The following SND1 variants were observed in gnomAD, a reference collection of about 807,000 sequenced individuals.
SND1 encodes the protein staphylococcal nuclease domain-containing protein 1.
SND1 carries 38 observed loss-of-function variants against 121.7 expected under a neutral mutation model. That is an observed-to-expected ratio of 0.31 (90% confidence interval 0.24 to 0.41). SND1 has a LOEUF of 0.41. Ranked by LOEUF, SND1 falls within the 10% of genes least tolerant of loss-of-function variation. The pLI is 1.00. For missense variants in SND1, 868 were observed against 1,184.6 expected (o/e 0.73, Z 3.92); for synonymous variants, 401 against 447.4 (o/e 0.90, Z 1.31).
chr7:127,752,066 C>T (rs1418257496), intron 10 of SND1, among the ~76,000 whole-genome samples: 1 of 152,230 alleles, frequency 6.6e-6, no homozygotes, highest in East Asian at 1.9e-4. Context: ...GCTAAGCCAG[C>T]CATGTTGTTA....
At chr7:128,018,996 G>GA (rs995519725) in intron 16 of SND1, among the ~76,000 whole-genome samples, 5 of 152,108 alleles carry the variant, frequency 3.3e-5, no homozygotes, top group Admixed American at 3.3e-4. Flanking sequence ...TACTTCCCAT[G>GA]AACTTATTAC....
chr7:127,901,227 C>T (rs1476103604), intron 13 of SND1, among the ~76,000 whole-genome samples: 3 of 152,110 alleles, frequency 2.0e-5, no homozygotes, highest in African/African-American at 7.2e-5. Context: ...GGCAGTACAC[C>T]TTGTTTTCAG....
At chr7:127,820,051 T>A (rs1441565904) in intron 11 of SND1, among the ~76,000 whole-genome samples, 1 of 152,228 alleles carries the variant, frequency 6.6e-6, no homozygotes, top group Non-Finnish European at 1.5e-5. Flanking sequence ...GCTAGGAGAT[T>A]GAATTCATTC....
At chr7:127,718,489 G>A (rs552282890) in intron 9 of SND1, 1 of 761,926 alleles carries the variant, frequency 1.3e-6, no homozygotes, top group Admixed American at 6.2e-5. Context: ...CACACACGCG[G>A]ACACGCACGC....
intron 1 of SND1, among the ~76,000 whole-genome samples, chr7:127,660,218 A>G (rs186119401): frequency 1.2e-4 from 18 of 152,170 alleles, no homozygotes; most frequent in Admixed American, 1.1e-3. Flanking sequence ...GACCCAGAGG[A>G]ACATGGTTCT....
chr7:127,833,461 C>T (rs1286068806), intron 11 of SND1, among the ~76,000 whole-genome samples: 3 of 151,856 alleles, frequency 2.0e-5, no homozygotes, highest in African/African-American at 4.8e-5. Flanking sequence ...GACTGGGTTT[C>T]GCCATGTTGG....
chr7:128,078,400 A>G (rs540174124), intron 17 of SND1, among the ~76,000 whole-genome samples: 105 of 152,236 alleles, frequency 6.9e-4, no homozygotes, highest in Non-Finnish European at 1.4e-3. Context: ...TACCCTCTGT[A>G]TGCTTCTTGG....
chr7:127,720,650 T>C (rs1263272860), intron 9 of SND1, among the ~76,000 whole-genome samples: 1 of 152,218 alleles, frequency 6.6e-6, no homozygotes, highest in African/African-American at 2.4e-5. Flanking sequence ...GTTACTGATC[T>C]TGGGTTCCAA....
chr7:127,710,339 C>G (rs1202250010), intron 9 of SND1, among the ~76,000 whole-genome samples: 1 of 151,652 alleles, frequency 6.6e-6, no homozygotes, highest in Non-Finnish European at 1.5e-5. Flanking sequence ...GTTTGATGAT[C>G]TCTGATCTAT....
At chr7:127,971,761 T>C (rs1310196466) in intron 15 of SND1, among the ~76,000 whole-genome samples, 1 of 151,952 alleles carries the variant, frequency 6.6e-6, no homozygotes, top group Non-Finnish European at 1.5e-5. Context: ...GTATACAGCT[T>C]GCTGAATTAA....
chr7:128,091,759 T>C, intron 22 of SND1, 78 bp from the exon 23 acceptor site: 1 of 1,486,184 alleles, frequency 6.7e-7, no homozygotes, highest in Non-Finnish European at 9.4e-7. Flanking sequence ...GGCGCTTACC[T>C]AAGCATTCTG....
chr7:127,910,436 C>T (rs1800431049), intron 14 of SND1, among the ~76,000 whole-genome samples: 1 of 151,716 alleles, frequency 6.6e-6, no homozygotes, highest in Non-Finnish European at 1.5e-5. Flanking sequence ...CAGAGTGAGA[C>T]TCCATCTCAA....
intron 14 of SND1, among the ~76,000 whole-genome samples, chr7:127,907,529 A>G (rs549093068): frequency 6.6e-6 from 1 of 152,316 alleles, no homozygotes; most frequent in East Asian, 1.9e-4. Context: ...GTTGCAGGCC[A>G]TGATAAATGG....
chr7:127,734,860 A>G (rs558469434), intron 10 of SND1, among the ~76,000 whole-genome samples: 1 of 152,354 alleles, frequency 6.6e-6, no homozygotes, highest in African/African-American at 2.4e-5. Context: ...TATGCTAAAT[A>G]AATGCACAGA....
chr7:127,761,212 G>A (rs1797299658), intron 10 of SND1, among the ~76,000 whole-genome samples: 1 of 152,202 alleles, frequency 6.6e-6, no homozygotes, highest in African/African-American at 2.4e-5. Context: ...CTTCAGCTAA[G>A]TTAATCTTCC....
At position 127,686,383 on chromosome 7, in the gene SND1, A is replaced by G. The variant is rs193038048; in HGVS notation, c.79-230A>G. Among the ~76,000 whole-genome samples, 96 of 152,216 alleles carry G rather than the reference A, an allele frequency of 6.3e-4. No individual in the cohort carries two copies. The South Asian group carries it at 7.1e-3, about 11-fold the overall frequency. On this transcript the variant is annotated intron_variant, in intron 1 of 23. Transcript: ENST00000354725. ...AGTCTGTTTATTCTATGACTTTTCT[A>G]TTGTTGGATTTCTGGGTCAATCATT...
chr7:128,059,264 GCTGCCTGTACCA>G (rs1263247114), intron 16 of SND1, among the ~76,000 whole-genome samples: 9 of 152,170 alleles, frequency 5.9e-5, no homozygotes, highest in Admixed American at 5.9e-4. Context: ...CCTAGTACCT[GCTGCCTGTACCA>G]CTCAGCAGTC....
intron 16 of SND1, 89 bp from the exon 17 acceptor site, chr7:128,074,413 G>A: frequency 7.3e-7 from 1 of 1,371,998 alleles, no homozygotes; most frequent in Non-Finnish European, 9.8e-7. Context: ...GTGAGCCCAA[G>A]GCTTCGGCGC....
chr7:128,032,703 T>G (rs1792664481), intron 16 of SND1, among the ~76,000 whole-genome samples: 1 of 152,094 alleles, frequency 6.6e-6, no homozygotes. Flanking sequence ...AGTTCGGAAC[T>G]GCGTGGTGGG....
Sources: allele counts gnomAD v4.1 joint callset (sites outside exome capture counted in the v4.1 genomes callset), GRCh38; gene constraint gnomAD v4.1.1; transcripts MANE v1.5; gene names NCBI Gene and HGNC (gene_info 2026-07-23, HGNC 2026-07-21).